DPP6: variants seen among roughly 807,000 people sequenced by gnomAD.
DPP6 encodes dipeptidyl peptidase like 6.
Under a neutral mutation model 122.6 loss-of-function variants are expected in DPP6, and 69 were observed. The observed-to-expected ratio is 0.56, with a 90% confidence interval of 0.46 to 0.69. The LOEUF (loss-of-function observed/expected upper bound fraction) is 0.69. DPP6 is among the 30% of genes least tolerant of loss of function. The pLI is 0.00. For synonymous variants in DPP6, 418 were observed against 433.1 expected (o/e 0.97, Z 0.43); for missense variants, 928 against 1,116.9 (o/e 0.83, Z 2.41).
intron 3 of DPP6, among the ~76,000 whole-genome samples, chr7:154,509,518 C>G (rs958649182): frequency 1.3e-5 from 2 of 152,174 alleles, no homozygotes; most frequent in African/African-American, 2.4e-5. Flanking sequence ...CCTTCACGTC[C>G]TGCTGGTGGT....
Position 154,892,900 on chromosome 7 carries a change from C to T in DPP6, c.*420C>T, listed in dbSNP as rs774036954. The T allele has an allele frequency of 1.9e-6, 1 of 525,934 alleles. No homozygotes were observed. Among genetic ancestry groups the T allele is most frequent in the Non-Finnish European group, 3.8e-6 (1 of 264,694 alleles). 32.6% of individuals were successfully genotyped at this position (525,934 alleles called of 1,614,324 possible). A position where few individuals can be genotyped will look rare whatever the true frequency, so the allele number is the denominator to read the frequency against. ...CCGTTAGGGACATCACACCCTGTCT[C>T]ACGTCGCAGTGCCATGGACGCAGCA... On this transcript the variant is annotated 3_prime_UTR_variant, in exon 26 of 26. Coordinates refer to ENST00000377770, the MANE Select transcript of DPP6 (RefSeq NM_130797.4).
intron 1 of DPP6, among the ~76,000 whole-genome samples, chr7:154,293,900 C>T (rs1805365233): frequency 1.3e-5 from 2 of 152,176 alleles, no homozygotes; most frequent in Admixed American, 1.3e-4. Context: ...TCATTGTTTC[C>T]TGTGTGCTAA....
At chr7:153,935,206 C>T (rs1468912132) in intron 1 of DPP6, among the ~76,000 whole-genome samples, 1 of 151,818 alleles carries the variant, frequency 6.6e-6, no homozygotes. Flanking sequence ...AGCTGCAGGT[C>T]AGCAGACAGA....
chr7:153,896,473 T>C (rs1018169665), intron 1 of DPP6, among the ~76,000 whole-genome samples: 2 of 152,192 alleles, frequency 1.3e-5, no homozygotes, highest in Admixed American at 1.3e-4. Flanking sequence ...GACTACATTT[T>C]CTATGATGAG....
intron 1 of DPP6, chr7:154,058,879 C>G (rs555491350): frequency 6.7e-6 from 1 of 149,294 alleles, no homozygotes; most frequent in African/African-American, 2.5e-5. Context: ...GGGAGGCACC[C>G]CCTACGAGAG....
At chr7:154,613,268 G>T (rs929624742) in intron 5 of DPP6, among the ~76,000 whole-genome samples, 2 of 152,064 alleles carry the variant, frequency 1.3e-5, no homozygotes, top group African/African-American at 4.8e-5. Context: ...ATGTTGTTTT[G>T]TTTATTGAAT....
intron 1 of DPP6, among the ~76,000 whole-genome samples, chr7:153,988,748 G>C (rs1030382320): frequency 1.3e-5 from 2 of 152,330 alleles, no homozygotes; most frequent in South Asian, 4.2e-4. Flanking sequence ...ATGGAAATGA[G>C]GAATGATCTA....
At chr7:153,761,121 T>C in the DPP6 span, among the ~76,000 whole-genome samples, 1 of 152,172 alleles carries the variant, frequency 6.6e-6, no homozygotes, top group African/African-American at 2.4e-5. Context: ...CAGAAATCAG[T>C]GTCCTTCTTC....
intron 1 of DPP6, among the ~76,000 whole-genome samples, chr7:154,098,570 A>C (rs1256217020): frequency 2.0e-5 from 3 of 149,570 alleles, no homozygotes; most frequent in Non-Finnish European, 4.4e-5. Flanking sequence ...CTGGAGACAG[A>C]TCTCCTAGGG....
At chr7:153,904,564 C>G (rs967792640) in intron 1 of DPP6, among the ~76,000 whole-genome samples, 1 of 152,156 alleles carries the variant, frequency 6.6e-6, no homozygotes, top group Non-Finnish European at 1.5e-5. Flanking sequence ...TTACCCTAAT[C>G]ATTTCTTGAA....
intron 1 of DPP6, among the ~76,000 whole-genome samples, chr7:153,980,198 T>TA (rs1394690351): frequency 6.6e-6 from 1 of 152,232 alleles, no homozygotes; most frequent in Non-Finnish European, 1.5e-5. Flanking sequence ...GTTGGTAGGC[T>TA]ATTAATTACT....
intron 6 of DPP6, 120 bp downstream of exon 6, chr7:154,637,993 G>T: frequency 8.8e-7 from 1 of 1,141,070 alleles, no homozygotes; most frequent in African/African-American, 1.6e-5. Flanking sequence ...CACAGCCAAG[G>T]GTGCTGGTAT....
intron 1 of DPP6, among the ~76,000 whole-genome samples, chr7:154,293,195 G>C (rs1805318094): frequency 6.6e-6 from 1 of 152,130 alleles, no homozygotes; most frequent in Non-Finnish European, 1.5e-5. Context: ...TAAGATATAA[G>C]TCATAGGTAA....
intron 7 of DPP6, among the ~76,000 whole-genome samples, chr7:154,692,729 T>C (rs1211440613): frequency 6.6e-6 from 1 of 151,966 alleles, no homozygotes; most frequent in Non-Finnish European, 1.5e-5. Context: ...CATCTACCCA[T>C]CATCCTTTTC....
the DPP6 span, among the ~76,000 whole-genome samples, chr7:153,825,859 C>T: frequency 6.6e-6 from 1 of 152,140 alleles, no homozygotes; most frequent in African/African-American, 2.4e-5. Context: ...CCACTCCTGG[C>T]CTTTTGCTCA....
At chr7:154,870,858 G>A (rs1382380793) in intron 18 of DPP6, among the ~76,000 whole-genome samples, 3 of 151,798 alleles carry the variant, frequency 2.0e-5, no homozygotes, top group East Asian at 3.9e-4. Flanking sequence ...AGCTACTGGG[G>A]TGGCTGAGGC....
rs562865489 is a variant in DPP6 at position 154,015,054 on chromosome 7, T to C, written c.51+127320T>C. On this transcript the variant is annotated intron_variant, in intron 1 of 25. Transcript: ENST00000404039. Reference sequence around the variant, plus strand: ...TTTCTCATTGACGTACTTGCTTTAATGAAATGAGAAAGTAAGAAGTGCCTG... The same window carrying C: ...TTTCTCATTGACGTACTTGCTTTAACGAAATGAGAAAGTAAGAAGTGCCTG... 4.6e-5 allele frequency among the ~76,000 whole-genome samples: 7 copies of C among 152,302 alleles called. No homozygotes were observed. In the South Asian group the frequency reaches 1.5e-3, roughly 32 times the overall value.
chr7:154,161,039 A>C (rs1056539501), intron 1 of DPP6, among the ~76,000 whole-genome samples: 6 of 152,202 alleles, frequency 3.9e-5, no homozygotes, highest in African/African-American at 1.4e-4. Flanking sequence ...GGAGGCTCCC[A>C]CAAGTGCAGC....
Position 154,637,828 on chromosome 7 carries a change from AAC to A in DPP6, c.638_639del (p.His213LeufsTer37). The stretch of plus-strand genomic sequence containing the variant: ...CCTTTTTGTCTGTTGCAGATATATC[AAC>A]ACTCGTATACTGGATATTACGTCCT... On this transcript the variant is annotated frameshift_variant, in exon 6 of 26. Transcript: ENST00000377770. LOFTEE classifies it high-confidence loss of function. 6.3e-7 allele frequency: 1 copy of A among 1,580,760 alleles called. No individual in the cohort carries two copies. Among genetic ancestry groups the A allele is most frequent in the Non-Finnish European group, 8.6e-7 (1 of 1,161,890 alleles).
Sources: gnomAD v4.1 joint callset for allele counts (sites outside exome capture counted in the v4.1 genomes callset) on GRCh38, gnomAD v4.1.1 for gene constraint, MANE v1.5 for transcripts, NCBI Gene and HGNC (gene_info 2026-07-23, HGNC 2026-07-21) for gene names.